Variants in LAMA4 observed in about 807,000 individuals in gnomAD.
LAMA4 encodes laminin subunit alpha-4.
LAMA4 carries 127 observed loss-of-function variants against 207.1 expected under a neutral mutation model. The ratio of observed to expected loss-of-function variants is 0.61; its 90% CI spans 0.53 to 0.71. LAMA4 has a LOEUF of 0.71. Ranked by LOEUF, LAMA4 falls within the 30% of genes least tolerant of loss-of-function variation. LAMA4 has a pLI of 0.00. For missense variants in LAMA4, 2,093 were observed against 2,246.5 expected (o/e 0.93, Z 1.38); for synonymous variants, 761 against 816.0 (o/e 0.93, Z 1.15).
chr6:112,180,453 G>T (rs149232564), intron 9 of LAMA4, among the ~76,000 whole-genome samples: 1 of 152,144 alleles, frequency 6.6e-6, no homozygotes, highest in African/African-American at 2.4e-5. Flanking sequence ...CTGTAACTTT[G>T]CCTGTGGAAG....
intron 31 of LAMA4, among the ~76,000 whole-genome samples, chr6:112,124,779 A>G (rs1778584943): frequency 7.0e-6 from 1 of 143,360 alleles, no homozygotes; most frequent in Admixed American, 7.0e-5. Context: ...TTTTTTTGAG[A>G]CAGTTTTGCT....
Position 112,242,579 on chromosome 6 carries a change from G to A in LAMA4, c.195+11377C>T, listed in dbSNP as rs1786596481. ...TTCTGATTCTGGGGTGGAACCTGAG[G>A]TTCTGCATCTCTAACACATTCCCAG... On this transcript the variant is annotated intron_variant, in intron 2 of 38. Coordinates refer to ENST00000230538, the MANE Select transcript of LAMA4 (RefSeq NM_001105206.3). Among the ~76,000 whole-genome samples the A allele has an allele frequency of 2.0e-5, 3 of 152,244 alleles. No individual in the cohort carries two copies. In the South Asian group the frequency reaches 6.2e-4, roughly 32 times the overall value.
In LAMA4 at chr6:112,119,243, A is replaced by C. The variant is rs1327735668; in HGVS notation, c.4734T>G (p.Ser1578Arg). Residue 1578 changes from serine to arginine, a missense_variant, in exon 34 of 39, where the codon AGT becomes AGG. Physicochemically the swap from Ser to Arg is moderately radical, Grantham distance 110. This residue lies in a region of LAMA4 where 383 missense variants were observed against 437.8 expected (regional missense o/e 0.87). Transcript: ENST00000230538. Reference protein sequence around the residue: ...VIDGLRVLEESLPPTEATWKI... With the variant: ...VIDGLRVLEERLPPTEATWKI... The stretch of plus-strand genomic sequence containing the variant: ...TCCAGGTAGCTTCAGTAGGAGGAAG[A>C]CTTTCTTCTAGGACTCGGAGACCAT... 6.2e-7 allele frequency: 1 copy of C among 1,613,852 alleles called. No individual in the cohort carries two copies. The highest frequency in any genetic ancestry group is 8.5e-7 in the Non-Finnish European group (1 of 1,179,896).
intron 8 of LAMA4, among the ~76,000 whole-genome samples, chr6:112,185,635 T>C (rs1183630593): frequency 6.6e-6 from 1 of 152,154 alleles, no homozygotes; most frequent in Non-Finnish European, 1.5e-5. Context: ...TGTACAAAGG[T>C]ACAATATAGG....
At chr6:112,211,407 G>T (rs184231637) in intron 3 of LAMA4, among the ~76,000 whole-genome samples, 1 of 152,262 alleles carries the variant, frequency 6.6e-6, no homozygotes, top group Admixed American at 6.5e-5. Context: ...AGGGTAGCTT[G>T]TTATTTTAGT....
At chr6:112,131,152 C>T (rs373907226) in intron 28 of LAMA4, 51 bp from the exon 29 acceptor site, 36 of 1,581,110 alleles carry the variant, frequency 2.3e-5, no homozygotes, top group Middle Eastern at 3.3e-4. Context: ...ATCCAAAAGA[C>T]GGAAATGTTT....
In LAMA4 at chr6:112,141,402, G is replaced by A. The variant is rs782151816; in HGVS notation, c.2769C>T (p.Pro923=). 50 of 1,613,904 alleles carry A rather than the reference G, an allele frequency of 3.1e-5. No homozygotes were observed. The East Asian group carries it at 4.0e-4, about 13-fold the overall frequency. Residue 923 remains proline, a synonymous_variant, in exon 21 of 39, where the codon CCC becomes CCT. Transcript: ENST00000230538. ...TGAAGTAAGCAGGCCAGGAACTGACGGGCTTGGAGTCCAGGGGAATCTCCA... is the reference window on the plus strand; with the variant it reads ...TGAAGTAAGCAGGCCAGGAACTGACAGGCTTGGAGTCCAGGGGAATCTCCA... ...KDVEIPLDSK[P]VSSWPAYFSI...
At chr6:112,155,375 A>T in intron 15 of LAMA4, 190 bp downstream of exon 15, 1 of 641,716 alleles carries the variant, frequency 1.6e-6, no homozygotes, top group Non-Finnish European at 2.7e-6. Context: ...TGACTGGACT[A>T]CAGCACATCT....
chr6:112,114,684 C>A lies in LAMA4; in HGVS notation c.5185G>T (p.Gly1729Cys). 6.2e-7 allele frequency: 1 copy of A among 1,612,392 alleles called. No homozygotes were observed. The highest frequency in any genetic ancestry group is 1.1e-5 in the South Asian group (1 of 91,048). ...SVTPKQSLCD[G>C]RWHRITVIRD... is the part of the protein sequence containing the mutation. ...TCACCTGTAATTCTGTGCCATCTGC[C>A]ATCACAGAGACTCTGCTTGGGTGTA... Residue 1729 changes from glycine (G) to cysteine (C), a missense_variant, in exon 37 of 39, where the codon GGC becomes TGC. Physicochemically the swap from Gly to Cys is radical, Grantham distance 159. Transcript: ENST00000230538.
intron 2 of LAMA4, 166 bp downstream of exon 2, chr6:112,253,790 A>C: frequency 6.2e-7 from 1 of 1,614,220 alleles, no homozygotes; most frequent in Non-Finnish European, 8.5e-7. Context: ...AATGCAACTT[A>C]CAAAGGAAAA....
intron 16 of LAMA4, among the ~76,000 whole-genome samples, chr6:112,150,874 T>G (rs573683751): frequency 6.6e-6 from 1 of 152,304 alleles, no homozygotes; most frequent in South Asian, 2.1e-4. Context: ...TTTCTTTGAT[T>G]GAAACATATA....
At chr6:112,205,851 C>T (rs997451203) in intron 4 of LAMA4, among the ~76,000 whole-genome samples, 1 of 151,992 alleles carries the variant, frequency 6.6e-6, no homozygotes, top group African/African-American at 2.4e-5. Context: ...GTTCAGTTAC[C>T]AATGGCCAAT....
intron 16 of LAMA4, 124 bp downstream of exon 16, chr6:112,154,727 A>G (rs1780600413): frequency 1.4e-6 from 1 of 735,716 alleles, no homozygotes; most frequent in South Asian, 1.5e-5. Flanking sequence ...AGCAGGAACT[A>G]CTGATATGTT....
At chr6:112,240,671 C>A (rs1168787831) in intron 2 of LAMA4, among the ~76,000 whole-genome samples, 3 of 152,134 alleles carry the variant, frequency 2.0e-5, no homozygotes, top group Non-Finnish European at 4.4e-5. Context: ...CTGTGCCTGG[C>A]TTATTTAACT....
chr6:112,139,377 A>T (rs1554332449), intron 23 of LAMA4, 86 bp from the exon 24 acceptor site: 1 of 1,395,074 alleles, frequency 7.2e-7, no homozygotes, highest in Non-Finnish European at 1.0e-6. Flanking sequence ...TTCTTCTAAC[A>T]TCTTCTGTGG....
chr6:112,132,344 C>A (rs1343552742), intron 28 of LAMA4, among the ~76,000 whole-genome samples: 1 of 152,072 alleles, frequency 6.6e-6, no homozygotes, highest in Non-Finnish European at 1.5e-5. Flanking sequence ...TCTGAGATTT[C>A]TGTGACAATT....
At chr6:112,190,935 CTTTCTTTCTTTCCTT>C (rs1783042284) in intron 6 of LAMA4, among the ~76,000 whole-genome samples, 4 of 59,302 alleles carry the variant, frequency 6.7e-5, no homozygotes, top group Non-Finnish European at 1.3e-4. Flanking sequence ...TTCTTTCTTT[CTTTCTTTCTTTCCTT>C]TCTTTCTTTC....
chr6:112,197,078 C>T (rs1554350710), intron 5 of LAMA4, among the ~76,000 whole-genome samples: 2 of 152,154 alleles, frequency 1.3e-5, no homozygotes, highest in African/African-American at 4.8e-5. Context: ...AGGCTTAAAT[C>T]ATTGTCTGTA....
chr6:112,144,600 T>C (rs1190258804), intron 19 of LAMA4, among the ~76,000 whole-genome samples, 194 bp downstream of exon 19: 1 of 152,218 alleles, frequency 6.6e-6, no homozygotes, highest in Non-Finnish European at 1.5e-5. Flanking sequence ...GATCTATTGC[T>C]TTCAGGTTGG....
Sources: allele counts gnomAD v4.1 joint callset (sites outside exome capture counted in the v4.1 genomes callset), GRCh38; gene constraint gnomAD v4.1.1; regional missense constraint gnomAD v4.1.1; transcripts MANE v1.5; gene names NCBI Gene and HGNC (gene_info 2026-07-23, HGNC 2026-07-21).